Variants in CAST observed in about 807,000 individuals in gnomAD.
CAST encodes the protein MIR583 host.
CAST carries 76 observed loss-of-function variants against 119.6 expected under a neutral mutation model. The ratio of observed to expected loss-of-function variants is 0.64; its 90% CI spans 0.53 to 0.77. CAST has a LOEUF of 0.77. Among genes scored for constraint, CAST ranks in the 30% least tolerant of loss-of-function variants. The probability of loss-of-function intolerance (pLI) is 0.00; values close to 1 mark genes in which losing one functional copy is unlikely to be tolerated. For synonymous variants in CAST, 319 were observed against 331.6 expected, an observed-to-expected ratio of 0.96 and a Z score of 0.41; for missense variants, 953 against 946.5, an observed-to-expected ratio of 1.01 and a Z score of -0.09.
chr5:96,142,803 T>C, the CAST span, among the ~76,000 whole-genome samples: 2 of 152,198 alleles, frequency 1.3e-5, no homozygotes, highest in African/African-American at 2.4e-5. Flanking sequence ...CTTGGCAGCT[T>C]CCCATTCCTC....
At chr5:95,982,201 A>T in the CAST span, among the ~76,000 whole-genome samples, 2 of 152,118 alleles carry the variant, frequency 1.3e-5, no homozygotes, top group Non-Finnish European at 2.9e-5. Context: ...AAAACCAAGA[A>T]GTTAACATCA....
the CAST span, among the ~76,000 whole-genome samples, chr5:96,344,463 C>T: frequency 6.6e-6 from 1 of 152,098 alleles, no homozygotes. Context: ...GAAGCAAATT[C>T]ACACATTAAC....
the CAST span, among the ~76,000 whole-genome samples, chr5:96,060,338 A>C: frequency 6.6e-6 from 1 of 152,140 alleles, no homozygotes; most frequent in East Asian, 1.9e-4. Flanking sequence ...ATAAATGGCA[A>C]GTATGTTGGA....
At chr5:96,628,924 C>T (rs1747772145) in intron 1 of CAST, among the ~76,000 whole-genome samples, 1 of 152,196 alleles carries the variant, frequency 6.6e-6, no homozygotes, top group Non-Finnish European at 1.5e-5. Flanking sequence ...GATGCACATA[C>T]TTGCTGTGGT....
the CAST span, among the ~76,000 whole-genome samples, chr5:95,963,922 A>G: frequency 1.3e-5 from 2 of 152,068 alleles, no homozygotes; most frequent in African/African-American, 2.4e-5. Context: ...TTCTGATGAC[A>G]TCCAAGCGGG....
At chr5:96,039,556 G>A in the CAST span, among the ~76,000 whole-genome samples, 5 of 152,140 alleles carry the variant, frequency 3.3e-5, no homozygotes, top group African/African-American at 1.2e-4. Flanking sequence ...TGCATAAGGT[G>A]TGAGGAAGGG....
At chr5:96,733,309 G>A (rs1760960183) in intron 9 of CAST, among the ~76,000 whole-genome samples, 1 of 152,204 alleles carries the variant, frequency 6.6e-6, no homozygotes, top group African/African-American at 2.4e-5. Flanking sequence ...ATTTAAGGCA[G>A]AAGATTAGAT....
the CAST span, among the ~76,000 whole-genome samples, chr5:96,188,275 T>C: frequency 6.6e-6 from 1 of 152,322 alleles, no homozygotes; most frequent in South Asian, 2.1e-4. Flanking sequence ...TCTGCCCTTT[T>C]TGCAAATCTC....
the CAST span, among the ~76,000 whole-genome samples, chr5:96,396,358 C>T: frequency 2.0e-5 from 3 of 152,020 alleles, no homozygotes; most frequent in South Asian, 2.1e-4. Context: ...GTAAGGAGCT[C>T]GAGACCAGCC....
intron 7 of CAST, 90 bp from the exon 8 acceptor site, chr5:96,729,522 A>G (rs906924188): frequency 1.6e-5 from 11 of 679,588 alleles, no homozygotes; most frequent in African/African-American, 1.1e-4. Flanking sequence ...TTTTTATTCT[A>G]TAGAGAAAAG....
At chr5:96,072,395 A>C in the CAST span, among the ~76,000 whole-genome samples, 1 of 152,160 alleles carries the variant, frequency 6.6e-6, no homozygotes, top group Admixed American at 6.6e-5. Flanking sequence ...CAGGAGAGCT[A>C]CTCACCAGTG....
At chr5:96,279,395 T>C in the CAST span, among the ~76,000 whole-genome samples, 5 of 152,184 alleles carry the variant, frequency 3.3e-5, no homozygotes, top group Non-Finnish European at 5.9e-5. Context: ...AAACCAGGCC[T>C]GCACTGCAAG....
At chr5:96,021,304 C>A in the CAST span, among the ~76,000 whole-genome samples, 6 of 152,252 alleles carry the variant, frequency 3.9e-5, no homozygotes, top group East Asian at 1.9e-4. Flanking sequence ...TTTTCACACA[C>A]AAAAATTTTT....
chr5:96,710,560 A>G (rs182509551), intron 3 of CAST, among the ~76,000 whole-genome samples: 8 of 152,046 alleles, frequency 5.3e-5, no homozygotes, highest in African/African-American at 1.9e-4. Context: ...GACCATTTCT[A>G]CCCGTTATGT....
At chr5:96,482,131 A>T in the CAST span, among the ~76,000 whole-genome samples, 336 of 152,274 alleles carry the variant, frequency 2.2e-3, no homozygotes, top group African/African-American at 7.8e-3. Flanking sequence ...ACAGTGAAAG[A>T]TCTGACCTTT....
At chr5:96,327,602 T>C in the CAST span, among the ~76,000 whole-genome samples, 1 of 152,212 alleles carries the variant, frequency 6.6e-6, no homozygotes, top group African/African-American at 2.4e-5. Context: ...GCTGAAAATA[T>C]AATTTTAGAA....
chr5:96,478,521 C>T, the CAST span, among the ~76,000 whole-genome samples: 1 of 152,212 alleles, frequency 6.6e-6, no homozygotes, highest in African/African-American at 2.4e-5. Context: ...GTCAACAGTC[C>T]TTACCATTGG....
chr5:96,474,173 A>C, the CAST span, among the ~76,000 whole-genome samples: 2 of 152,116 alleles, frequency 1.3e-5, no homozygotes, highest in Non-Finnish European at 2.9e-5. Flanking sequence ...GAGTGTTAAA[A>C]TGTTCTTGGG....
chr5:96,173,908 A>ATT, the CAST span, among the ~76,000 whole-genome samples: 1 of 151,362 alleles, frequency 6.6e-6, no homozygotes, highest in Non-Finnish European at 1.5e-5. Flanking sequence ...CGCCCGGCTA[A>ATT]TTTTTTTGTA....
Sources: allele counts gnomAD v4.1 joint callset (sites outside exome capture counted in the v4.1 genomes callset), GRCh38; gene constraint gnomAD v4.1.1; transcripts MANE v1.5; gene names NCBI Gene and HGNC (gene_info 2026-07-23, HGNC 2026-07-21).